The following ANK1 variants were observed in gnomAD, a reference collection of about 807,000 sequenced individuals.
ANK1 encodes ankyrin-1.
ANK1 carries 51 observed loss-of-function variants against 210.4 expected under a neutral mutation model. The observed-to-expected ratio is 0.24, with a 90% CI of 0.19 to 0.31. The LOEUF is 0.31. ANK1 is among the 10% of genes least tolerant of loss of function. The pLI is 1.00. For missense variants in ANK1, 2,051 were observed against 2,504.4 expected, an observed-to-expected ratio of 0.82 and a Z score of 3.86; for synonymous variants, 967 against 1,025.9, an observed-to-expected ratio of 0.94 and a Z score of 1.10.
At chr8:41,803,117 AGGAAAGGAAAG>A (rs1850396954) in intron 1 of ANK1, among the ~76,000 whole-genome samples, 1 of 147,278 alleles carries the variant, frequency 6.8e-6, no homozygotes, top group African/African-American at 2.5e-5. Context: ...AGGAAAGGAA[AGGAAAGGAAAG>A]GAAAGGAAAG....
chr8:41,687,529 C>A (rs1023766252), intron 35 of ANK1, among the ~76,000 whole-genome samples: 1 of 152,226 alleles, frequency 6.6e-6, no homozygotes, highest in African/African-American at 2.4e-5. Flanking sequence ...CACCTACACA[C>A]TCCAGCCACT....
chr8:41,818,755 G>T (rs1803723318), intron 1 of ANK1, among the ~76,000 whole-genome samples: 1 of 151,966 alleles, frequency 6.6e-6, no homozygotes, highest in South Asian at 2.1e-4. Flanking sequence ...AAATGCTAGT[G>T]AGAGAGGAGA....
At chr8:41,738,977 G>A (rs900543942) in intron 2 of ANK1, among the ~76,000 whole-genome samples, 1 of 152,214 alleles carries the variant, frequency 6.6e-6, no homozygotes, top group African/African-American at 2.4e-5. Flanking sequence ...AAGCTGGGGA[G>A]AAAAGCAATA....
intron 1 of ANK1, among the ~76,000 whole-genome samples, chr8:41,771,240 C>A (rs1294072929): frequency 6.6e-6 from 1 of 152,108 alleles, no homozygotes; most frequent in Non-Finnish European, 1.5e-5. Flanking sequence ...TGCAGGAGAT[C>A]CTTCAGGATG....
At chr8:41,829,893 C>T (rs1327874042) in intron 1 of ANK1, 1 of 143,156 alleles carries the variant, frequency 7.0e-6, no homozygotes, top group African/African-American at 2.6e-5. Flanking sequence ...CCGAGATCGC[C>T]CCACTGCACT....
chr8:41,876,256 AC>A, intron 1 of ANK1, among the ~76,000 whole-genome samples: 1 of 152,134 alleles, frequency 6.6e-6, no homozygotes, highest in East Asian at 1.9e-4. Context: ...GCACCCTGGC[AC>A]CCTGGCACCC....
chr8:41,855,028 T>C (rs1003244151), intron 1 of ANK1, among the ~76,000 whole-genome samples: 1 of 151,990 alleles, frequency 6.6e-6, no homozygotes, highest in East Asian at 1.9e-4. Context: ...TTCCCAAGAT[T>C]CCCAGGTGAT....
At chr8:41,784,497 A>G (rs1845963794) in intron 1 of ANK1, among the ~76,000 whole-genome samples, 1 of 152,220 alleles carries the variant, frequency 6.6e-6, no homozygotes, top group Admixed American at 6.5e-5. Flanking sequence ...CACCTACCGC[A>G]AGGACATTTT....
In ANK1 at chr8:41,653,785, C is replaced by A. The variant is rs1052949592; in HGVS notation, c.*2005G>T. On this transcript the variant is annotated 3_prime_UTR_variant, in exon 43 of 43. Transcript: ENST00000289734. ...GGTGGCCTCTGGCGGAGACGGCAGC[C>A]GTCCGGGCTCGCCCTGCAGCTCCTC... 3.9e-5 allele frequency: 6 copies of A among 152,180 alleles called. No individual in the cohort carries two copies. The highest frequency in any genetic ancestry group is 1.2e-4 in the African/African-American group (5 of 41,430). The allele number at this position is 152,180 out of a possible 1,614,324, so 9.4% of individuals were successfully genotyped here. A position where few individuals can be genotyped will look rare whatever the true frequency, so the allele number is the denominator to read the frequency against.
At chr8:41,733,326 G>A (rs1554583265) in intron 3 of ANK1, among the ~76,000 whole-genome samples, 1 of 152,168 alleles carries the variant, frequency 6.6e-6, no homozygotes, top group Non-Finnish European at 1.5e-5. Context: ...AGACTTGCTG[G>A]AGAAGGAGAA....
chr8:41,708,177 G>T (rs964815500), intron 17 of ANK1, among the ~76,000 whole-genome samples: 2 of 152,062 alleles, frequency 1.3e-5, no homozygotes, highest in Non-Finnish European at 2.9e-5. Flanking sequence ...ATTATATTTC[G>T]ATAAAACTGT....
intron 1 of ANK1, among the ~76,000 whole-genome samples, chr8:41,781,904 TCCCTGCTGCTGGCGGCTC>T: frequency 6.6e-6 from 1 of 151,772 alleles, no homozygotes; most frequent in South Asian, 2.1e-4. Flanking sequence ...GGGCTGGGGG[TCCCTGCTGCTGGCGGCTC>T]CCCTGCTGCC....
rs759868451 is a variant in ANK1, at chr8:41,698,040, C to T, written c.2637+3G>A. 6.2e-7 allele frequency: 1 copy of T among 1,613,892 alleles called. No homozygotes were observed. Among genetic ancestry groups the T allele is most frequent in the Admixed American group, 1.7e-5 (1 of 60,030 alleles). On this transcript the variant is annotated splice_donor_region_variant and intron_variant, in intron 24 of 42. Coordinates refer to ENST00000289734, the MANE Select transcript of ANK1 (RefSeq NM_000037.4). ...GGGAAACCACAGAGAAGGAGCTTCT[C>T]ACCTGCTCCTGCTCTTCTGACCTGA...
chr8:41,866,128 T>C (rs1814397548), intron 1 of ANK1, among the ~76,000 whole-genome samples: 1 of 152,216 alleles, frequency 6.6e-6, no homozygotes, highest in Non-Finnish European at 1.5e-5. Flanking sequence ...ACTTGCTTCC[T>C]CTTTTCTCTT....
At chr8:41,843,613 C>T (rs1008685468) in intron 1 of ANK1, among the ~76,000 whole-genome samples, 13 of 152,168 alleles carry the variant, frequency 8.5e-5, no homozygotes, top group Admixed American at 4.6e-4. Flanking sequence ...AAAGGCCAAA[C>T]AGATAGCGGT....
intron 37 of ANK1, among the ~76,000 whole-genome samples, chr8:41,673,806 G>A (rs1813272631): frequency 6.6e-6 from 1 of 152,220 alleles, no homozygotes; most frequent in South Asian, 2.1e-4. Context: ...TCTGTGGGTG[G>A]GAGAAGAGAC....
intron 1 of ANK1, among the ~76,000 whole-genome samples, chr8:41,796,935 C>G (rs759857984): frequency 9.9e-5 from 15 of 151,994 alleles, no homozygotes; most frequent in Admixed American, 6.6e-5. Context: ...CTCCCCAGGC[C>G]ACGCCGCCGC....
chr8:41,679,558 C>CT (rs869249907), intron 37 of ANK1, among the ~76,000 whole-genome samples: 1,116 of 90,230 alleles, frequency 0.012, 57 homozygotes, highest in East Asian at 0.078. Flanking sequence ...CCTGGACTTT[C>CT]TTTTTTTTTT....
At chr8:41,811,558 T>A (rs1337581710) in intron 1 of ANK1, among the ~76,000 whole-genome samples, 1 of 152,058 alleles carries the variant, frequency 6.6e-6, no homozygotes, top group Non-Finnish European at 1.5e-5. Flanking sequence ...TCAGTCTTCA[T>A]CCACTCTTAG....
Sources: gnomAD v4.1 joint callset for allele counts (sites outside exome capture counted in the v4.1 genomes callset) on GRCh38, gnomAD v4.1.1 for gene constraint, MANE v1.5 for transcripts, NCBI Gene and HGNC (gene_info 2026-07-23, HGNC 2026-07-21) for gene names.